The following PRKD3 variants were observed in gnomAD, a reference collection of about 807,000 sequenced individuals.
The protein encoded by PRKD3 is protein kinase D3.
Under a neutral mutation model 99.2 loss-of-function variants are expected in PRKD3, and 47 were observed. That is an observed-to-expected ratio of 0.47 (90% CI 0.38 to 0.60). PRKD3 has a LOEUF of 0.60. Among genes scored for constraint, PRKD3 ranks in the 20% least tolerant of loss-of-function variants. The pLI is 0.00. For missense variants in PRKD3, 1,019 were observed against 1,088.4 expected, an observed-to-expected ratio of 0.94 and a Z score of 0.90; for synonymous variants, 392 against 355.4, an observed-to-expected ratio of 1.10 and a Z score of -1.16.
intron 2 of PRKD3, among the ~76,000 whole-genome samples, chr2:37,300,557 A>C (rs568343346): frequency 6.6e-6 from 1 of 152,356 alleles, no homozygotes; most frequent in East Asian, 1.9e-4. Flanking sequence ...AGAAATGATA[A>C]ATATTTAAGG....
rs1470207377 is a variant in PRKD3, at chr2:37,251,474, A to G, written c.*1703T>C. ...AACACTATGGCTGCTGTGAGGGTAA[A>G]CTAAAACATAAAAGAACTTAGAACA... On this transcript the variant is annotated 3_prime_UTR_variant, in exon 19 of 19. Coordinates refer to ENST00000234179, the MANE Select transcript of PRKD3 (RefSeq NM_005813.6). 1 of 152,600 alleles carries G rather than the reference A, an allele frequency of 6.6e-6. No individual in the cohort carries two copies. The highest frequency in any genetic ancestry group is 1.5e-5 in the Non-Finnish European group (1 of 68,032). 9.5% of individuals were successfully genotyped at this position (152,600 alleles called of 1,614,324 possible).
Position 37,274,673 on chromosome 2 carries a change from G to C in PRKD3, c.1399C>G (p.Arg467Gly), listed in dbSNP as rs1449554884. ...YKEIPLSEIL[R>G]ISSPRDFTNI... ...GTGAAATCTCGTGGTGAAGATATGC[G>C]GAGAATTTCTGAAAGTGGAATTTCC... Residue 467 changes from arginine to glycine, a missense_variant, in exon 11 of 19, where the codon CGC becomes GGC. By Grantham distance (125) the Arg-to-Gly change is moderately radical. Transcript: ENST00000234179. The C allele has an allele frequency of 6.2e-7, 1 of 1,613,022 alleles. No homozygotes were observed. Among genetic ancestry groups the C allele is most frequent in the Non-Finnish European group, 8.5e-7 (1 of 1,179,334 alleles).
intron 2 of PRKD3, among the ~76,000 whole-genome samples, chr2:37,300,412 G>A (rs1395356914): frequency 6.6e-6 from 1 of 152,158 alleles, no homozygotes; most frequent in African/African-American, 2.4e-5. Flanking sequence ...GTTGGTTAAT[G>A]ATTACAAAAC....
intron 12 of PRKD3, 28 bp from the exon 13 acceptor site, chr2:37,269,715 T>C: frequency 6.7e-7 from 1 of 1,499,810 alleles, no homozygotes; most frequent in Non-Finnish European, 9.2e-7. Flanking sequence ...GGAGTTAGTA[T>C]TATTTATTTC....
Position 37,317,025 on chromosome 2 carries a change from C to CAAG in PRKD3, c.-502_-501insCTT. On this transcript the variant is annotated 5_prime_UTR_variant, in exon 2 of 19. Transcript: ENST00000234179. ...GATAGGACACCTTCTCAAATGTCCACACCTTAAATCACCTTCTCAAATGTC... is the reference window on the plus strand; with the variant it reads ...GATAGGACACCTTCTCAAATGTCCACAAGACCTTAAATCACCTTCTCAAATGTC... 2 of 986,454 alleles carry CAAG rather than the reference C, an allele frequency of 2.0e-6. No homozygotes were observed. The highest frequency in any genetic ancestry group is 2.4e-6 in the Non-Finnish European group (2 of 830,744). 61.1% of individuals were successfully genotyped at this position (986,454 alleles called of 1,614,324 possible). A position where few individuals can be genotyped will look rare whatever the true frequency, so the allele number is the denominator to read the frequency against.
intron 2 of PRKD3, among the ~76,000 whole-genome samples, chr2:37,304,824 C>T (rs1301695940): frequency 6.6e-6 from 1 of 151,262 alleles, no homozygotes; most frequent in East Asian, 1.9e-4. Context: ...CTGATACCAA[C>T]CAAAGCAATC....
chr2:37,289,129 T>G (rs1185468740), intron 5 of PRKD3, among the ~76,000 whole-genome samples: 1 of 149,590 alleles, frequency 6.7e-6, no homozygotes, highest in Non-Finnish European at 1.5e-5. Context: ...GGATACTGAC[T>G]AGAAGGCTAA....
chr2:37,320,939 T>A (rs1385647083), intron 1 of PRKD3, among the ~76,000 whole-genome samples: 1 of 152,194 alleles, frequency 6.6e-6, no homozygotes, highest in South Asian at 2.1e-4. Flanking sequence ...GTCAGATTTC[T>A]GCCCACTCTT....
intron 2 of PRKD3, among the ~76,000 whole-genome samples, chr2:37,312,478 T>TTA (rs1168327620): frequency 1.3e-5 from 2 of 152,216 alleles, no homozygotes; most frequent in Non-Finnish European, 2.9e-5. Context: ...CAAAGTCTTG[T>TTA]TATAGCTCTG....
chr2:37,256,440 C>A (rs1218712641), intron 17 of PRKD3, among the ~76,000 whole-genome samples: 2 of 151,926 alleles, frequency 1.3e-5, no homozygotes, highest in Non-Finnish European at 2.9e-5. Context: ...GCCACTGGGG[C>A]CTATGTAAGT....
At chr2:37,261,560 C>T (rs566782063) in intron 14 of PRKD3, among the ~76,000 whole-genome samples, 1 of 152,160 alleles carries the variant, frequency 6.6e-6, no homozygotes, top group East Asian at 1.9e-4. Flanking sequence ...GCAGGCGGAT[C>T]ACCTGAGATC....
chr2:37,272,425 C>G lies in PRKD3; in HGVS notation c.1659G>C (p.Leu553Phe). Residue 553 changes from leucine to phenylalanine, a missense_variant, in exon 12 of 19, where the codon TTG (leucine) becomes TTC (phenylalanine). Coordinates refer to ENST00000234179, the MANE Select transcript of PRKD3 (RefSeq NM_005813.6). ...AATTAGATACAGAGATACTTGTAGA[C>G]AAATCTTCTGTAAAATATAAAAAAG... Reference protein sequence around the residue: ...SPGQGKDHKDLSTSISVSNCQ... With the variant: ...SPGQGKDHKDFSTSISVSNCQ... 6.2e-7 allele frequency: 1 copy of G among 1,603,316 alleles called. No homozygotes were observed. The highest frequency in any genetic ancestry group is 8.5e-7 in the Non-Finnish European group (1 of 1,176,782).
chr2:37,287,090 C>T (rs1229313411), intron 5 of PRKD3, among the ~76,000 whole-genome samples: 1 of 151,552 alleles, frequency 6.6e-6, no homozygotes, highest in Non-Finnish European at 1.5e-5. Context: ...ATTAGCCAGG[C>T]GTGGGGGTGC....
chr2:37,308,265 A>T (rs527689316), intron 2 of PRKD3, among the ~76,000 whole-genome samples: 1 of 152,142 alleles, frequency 6.6e-6, no homozygotes, highest in Non-Finnish European at 1.5e-5. Flanking sequence ...TGTATACGTT[A>T]TAATTTTTAA....
chr2:37,258,019 G>C (rs1668118459), intron 16 of PRKD3, among the ~76,000 whole-genome samples: 1 of 152,190 alleles, frequency 6.6e-6, no homozygotes, highest in Non-Finnish European at 1.5e-5. Flanking sequence ...TTGCTGCCCA[G>C]ATTTTTCTAG....
chr2:37,253,018 A>T lies in PRKD3; in HGVS notation c.*159T>A. 1.6e-6 allele frequency: 1 copy of T among 621,338 alleles called. No individual in the cohort carries two copies. The highest frequency in any genetic ancestry group is 2.5e-6 in the Non-Finnish European group (1 of 404,076). The allele number at this position is 621,338 out of a possible 1,614,324, so 38.5% of individuals were successfully genotyped here. On this transcript the variant is annotated 3_prime_UTR_variant, in exon 19 of 19. Coordinates refer to ENST00000234179, the MANE Select transcript of PRKD3 (RefSeq NM_005813.6). ...TCTTATTATTCAGTTTCCCGCCTGTACCTACTCATTATGAACTACAGTACT... is the reference window on the plus strand; with the variant it reads ...TCTTATTATTCAGTTTCCCGCCTGTTCCTACTCATTATGAACTACAGTACT...
intron 1 of PRKD3, among the ~76,000 whole-genome samples, chr2:37,319,720 A>G (rs891313415): frequency 7.2e-5 from 11 of 151,950 alleles, no homozygotes; most frequent in African/African-American, 2.4e-4. Flanking sequence ...AATTATGTTT[A>G]TATCTATGGT....
chr2:37,274,326 G>C, intron 11 of PRKD3, 95 bp downstream of exon 11: 1 of 1,395,392 alleles, frequency 7.2e-7, no homozygotes, highest in Non-Finnish European at 9.8e-7. Flanking sequence ...CTAAGCTTAG[G>C]ATGAACATTA....
At chr2:37,319,778 G>A (rs1407162504) in intron 1 of PRKD3, among the ~76,000 whole-genome samples, 1 of 151,584 alleles carries the variant, frequency 6.6e-6, no homozygotes, top group Non-Finnish European at 1.5e-5. Flanking sequence ...AATCATGCAC[G>A]CAAAGGTAAA....
Sources: allele counts gnomAD v4.1 joint callset (sites outside exome capture counted in the v4.1 genomes callset), GRCh38; gene constraint gnomAD v4.1.1; transcripts MANE v1.5; gene names NCBI Gene and HGNC (gene_info 2026-07-23, HGNC 2026-07-21).